Variants in SRRM3 observed in about 807,000 individuals in gnomAD.
SRRM3 encodes the protein serine/arginine repetitive matrix 3.
SRRM3 carries 27 observed loss-of-function variants against 66.2 expected under a neutral mutation model. The ratio of observed to expected loss-of-function variants is 0.41; its 90% CI spans 0.30 to 0.56. The LOEUF (loss-of-function observed/expected upper bound fraction) is 0.56. SRRM3 is among the 20% of genes least tolerant of loss of function. The pLI is 0.32. For missense variants in SRRM3, 918 were observed against 991.9 expected (o/e 0.93, Z 1.00); for synonymous variants, 391 against 414.9 (o/e 0.94, Z 0.70).
intron 1 of SRRM3, among the ~76,000 whole-genome samples, chr7:76,218,866 T>C (rs1800638984): frequency 1.3e-5 from 2 of 151,762 alleles, no homozygotes; most frequent in Admixed American, 6.6e-5. Flanking sequence ...TGTTTTTTGT[T>C]TTTTTCAGAC....
chr7:76,238,132 A>T (rs1445759739), intron 2 of SRRM3, among the ~76,000 whole-genome samples: 1 of 151,948 alleles, frequency 6.6e-6, no homozygotes, highest in Non-Finnish European at 1.5e-5. Flanking sequence ...GCATTCTGAG[A>T]CTCCCAAATC....
intron 1 of SRRM3, among the ~76,000 whole-genome samples, chr7:76,227,774 G>C (rs949644221): frequency 1.3e-5 from 2 of 152,222 alleles, no homozygotes; most frequent in Admixed American, 1.3e-4. Flanking sequence ...TGTTTGTTGA[G>C]TGAATGCTTG....
chr7:76,206,421 G>A (rs1048713578), intron 1 of SRRM3, among the ~76,000 whole-genome samples: 2 of 152,132 alleles, frequency 1.3e-5, no homozygotes, highest in Non-Finnish European at 2.9e-5. Flanking sequence ...GAGAACAGAG[G>A]GGATTATGAC....
At chr7:76,270,294 C>T (rs1369324991) in intron 11 of SRRM3, among the ~76,000 whole-genome samples, 3 of 152,196 alleles carry the variant, frequency 2.0e-5, no homozygotes, top group Non-Finnish European at 2.9e-5. Context: ...TGTCAGACCT[C>T]AGACTCAGAT....
intron 10 of SRRM3, among the ~76,000 whole-genome samples, chr7:76,266,683 A>G (rs1439866603): frequency 1.5e-5 from 2 of 135,762 alleles, no homozygotes; most frequent in Non-Finnish European, 1.5e-5. Flanking sequence ...TATATATAAT[A>G]TATATTTTGA....
At chr7:76,236,900 G>A (rs1165606193) in intron 2 of SRRM3, among the ~76,000 whole-genome samples, 4 of 152,138 alleles carry the variant, frequency 2.6e-5, no homozygotes, top group Admixed American at 2.0e-4. Context: ...AGGGGCAGGG[G>A]CAAGGAGGGG....
At chr7:76,259,438 G>C (rs571627258) in intron 3 of SRRM3, among the ~76,000 whole-genome samples, 2 of 152,000 alleles carry the variant, frequency 1.3e-5, no homozygotes, top group Admixed American at 6.6e-5. Flanking sequence ...ATTAGCCAGG[G>C]TAGGGGTCCA....
chr7:76,255,009 A>T (rs1051758533), intron 3 of SRRM3, among the ~76,000 whole-genome samples: 1 of 152,138 alleles, frequency 6.6e-6, no homozygotes, highest in Admixed American at 6.6e-5. Context: ...GTGCTGTGTG[A>T]CATCAAGGCA....
intron 3 of SRRM3, among the ~76,000 whole-genome samples, chr7:76,256,952 C>T (rs950821111): frequency 7.9e-5 from 12 of 152,148 alleles, no homozygotes; most frequent in Middle Eastern, 3.4e-3. Flanking sequence ...TCTGGTGATC[C>T]GCCCGCCTCA....
At chr7:76,205,825 A>C (rs782655451) in intron 1 of SRRM3, among the ~76,000 whole-genome samples, 1 of 152,222 alleles carries the variant, frequency 6.6e-6, no homozygotes, top group Non-Finnish European at 1.5e-5. Flanking sequence ...TCTGTAAGTG[A>C]CTTGGGACAG....
chr7:76,242,112 T>C (rs1189211303), intron 2 of SRRM3, among the ~76,000 whole-genome samples: 1 of 152,104 alleles, frequency 6.6e-6, no homozygotes, highest in South Asian at 2.1e-4. Context: ...CCCAGACTCC[T>C]TAAAACAATC....
chr7:76,235,354 G>A lies in SRRM3; in HGVS notation c.233+55G>A, dbSNP rs1158224058. On this transcript the variant is annotated intron_variant, in intron 2 of 14. Transcript: ENST00000611745. Reference sequence around the variant, plus strand: ...GGGGAGATAGGCGGGGCGAGGGTGGGAGAAGCGAGTGATGCTGCACGTGGG... The same window carrying A: ...GGGGAGATAGGCGGGGCGAGGGTGGAAGAAGCGAGTGATGCTGCACGTGGG... The A allele has an allele frequency of 2.9e-6, 4 of 1,384,158 alleles. No homozygotes were observed. In the African/African-American group the frequency reaches 5.9e-5, roughly 21 times the overall value. 85.7% of individuals were successfully genotyped at this position (1,384,158 alleles called of 1,614,324 possible). A position where few individuals can be genotyped will look rare whatever the true frequency, so the allele number is the denominator to read the frequency against.
chr7:76,260,522 G>T (rs534441106), intron 5 of SRRM3, among the ~76,000 whole-genome samples: 3 of 76,218 alleles, frequency 3.9e-5, no homozygotes, highest in South Asian at 9.6e-4. Flanking sequence ...GCCCCTCATC[G>T]AGGTCCTCTC....
intron 8 of SRRM3, 121 bp from the exon 9 acceptor site, chr7:76,264,643 TG>T: frequency 2.0e-6 from 2 of 997,202 alleles, no homozygotes; most frequent in Non-Finnish European, 3.0e-6. Context: ...CCGCCAGCCA[TG>T]GGGCTTAGGC....
Position 76,259,939 on chromosome 7 carries a change from T to C in SRRM3, c.369T>C (p.Ala123=). Residue 123 remains alanine, a synonymous_variant, in exon 4 of 15, where the codon GCT becomes GCC. Coordinates refer to ENST00000611745, the MANE Select transcript of SRRM3 (RefSeq NM_001110199.3). ...AGACCCCGCGGCTGACCGAGGGCGCTGAGCCGGGCCTGGAGTACGCGCCCT... is the reference window on the plus strand; with the variant it reads ...AGACCCCGCGGCTGACCGAGGGCGCCGAGCCGGGCCTGGAGTACGCGCCCT... ...VAETPRLTEG[A]EPGLEYAPFD... is the part of the protein sequence containing the mutation. 6.2e-7 allele frequency: 1 copy of C among 1,601,944 alleles called. No homozygotes were observed. Among genetic ancestry groups the C allele is most frequent in the Non-Finnish European group, 8.5e-7 (1 of 1,179,496 alleles).
rs570515153 is a variant in SRRM3 at position 76,285,733 on chromosome 7, G to A, written c.1852G>A (p.Gly618Arg). 3.0e-5 allele frequency: 47 copies of A among 1,550,624 alleles called. No individual in the cohort carries two copies. Among genetic ancestry groups the A allele is most frequent in the East Asian group, 1.2e-4 (5 of 40,912 alleles). ...CAGCCCCAGCCCCGGCCACAGCCAC[G>A]GGAGCTACAGCAGTCGCAGCCATGG... The part of the protein sequence containing the change: ...SRSPSPGHSH[G>R]SYSSRSHGTR... The change falls in exon 15 of 15, where the codon GGG becomes AGG. Residue 618 changes from glycine to arginine, a missense_variant. Transcript: ENST00000611745. This position sits in a 1 kb window ranked among gnomAD's most constrained non-coding sequence, Gnocchi z 4.1.
intron 3 of SRRM3, among the ~76,000 whole-genome samples, chr7:76,250,325 G>A (rs1245960860): frequency 3.3e-5 from 5 of 151,444 alleles, no homozygotes; most frequent in Non-Finnish European, 5.9e-5. Context: ...TCTGCCCCCC[G>A]GGTTCAAGCA....
Position 76,261,416 on chromosome 7 carries a change from T to C in SRRM3, c.638+2T>C, listed in dbSNP as rs782241478. On this transcript the variant is annotated splice_donor_variant, in intron 7 of 14. Coordinates refer to ENST00000611745, the MANE Select transcript of SRRM3 (RefSeq NM_001110199.3). LOFTEE classifies it high-confidence loss of function. ...TGTGAAGAAGCATCGCCGAGACAGGTACCCTTGCTGCCCCCACCCTGGGGC... is the reference window on the plus strand; with the variant it reads ...TGTGAAGAAGCATCGCCGAGACAGGCACCCTTGCTGCCCCCACCCTGGGGC... The C allele has an allele frequency of 2.5e-6, 4 of 1,588,768 alleles. No individual in the cohort carries two copies. The highest frequency in any genetic ancestry group is 3.4e-5 in the Admixed American group (2 of 58,052).
intron 8 of SRRM3, among the ~76,000 whole-genome samples, chr7:76,264,377 G>A (rs1318035827): frequency 4.7e-5 from 7 of 149,230 alleles, no homozygotes; most frequent in Admixed American, 4.7e-4. Context: ...TGTTGGTCAG[G>A]CTGGTCTCAA....
Sources: allele counts gnomAD v4.1 joint callset (sites outside exome capture counted in the v4.1 genomes callset), GRCh38; gene constraint gnomAD v4.1.1; non-coding constraint Gnocchi (gnomAD v3.1); transcripts MANE v1.5; gene names NCBI Gene and HGNC (gene_info 2026-07-23, HGNC 2026-07-21).